The following DOCK8 variants were observed in gnomAD, a reference collection of about 807,000 sequenced individuals.
The protein encoded by DOCK8 is dedicator of cytokinesis 8, also known as dedicator of cytokinesis protein 8.
A neutral mutation model predicts 245.6 loss-of-function variants in DOCK8; 141 were observed. The observed-to-expected ratio is 0.57, with a 90% confidence interval of 0.50 to 0.66. The LOEUF is 0.66. DOCK8 is among the 30% of genes least tolerant of loss of function. DOCK8 has a pLI of 0.00. For missense variants in DOCK8, 2,965 were observed against 2,603.4 expected (o/e 1.14, Z -3.02); for synonymous variants, 1,168 against 970.2 (o/e 1.20, Z -3.79).
chr9:310,481 G>A (rs886894382), intron 5 of DOCK8, among the ~76,000 whole-genome samples: 4 of 151,982 alleles, frequency 2.6e-5, no homozygotes. Flanking sequence ...TTTTTGAGAC[G>A]GAGTCTCGCT....
intron 40 of DOCK8, among the ~76,000 whole-genome samples, chr9:440,490 T>C (rs991558457): frequency 5.3e-5 from 8 of 152,232 alleles, no homozygotes; most frequent in African/African-American, 1.9e-4. Flanking sequence ...ATTTTAATTA[T>C]TGTTTTAACT....
chr9:310,138 G>A (rs781485227), intron 5 of DOCK8, among the ~76,000 whole-genome samples: 27 of 152,030 alleles, frequency 1.8e-4, no homozygotes, highest in Middle Eastern at 3.4e-3. Context: ...GTGGTGGCGC[G>A]TGCCTGTAAT....
At chr9:366,579 A>C (rs1007839630) in intron 14 of DOCK8, 1 of 152,214 alleles carries the variant, frequency 6.6e-6, no homozygotes, top group Non-Finnish European at 1.5e-5. Context: ...GTGTCCCCAA[A>C]TAATTTCTCA....
chr9:244,897 C>A (rs1324252029), intron 1 of DOCK8, among the ~76,000 whole-genome samples: 1 of 152,182 alleles, frequency 6.6e-6, no homozygotes, highest in Non-Finnish European at 1.5e-5. Context: ...GCTGATGCCT[C>A]ACCAAATTCT....
rs1310831554 is a variant in DOCK8, at chr9:289,579, GAAGT to G, written c.404+3_404+6del. 4 of 1,609,802 alleles carry G rather than the reference GAAGT, an allele frequency of 2.5e-6. No individual in the cohort carries two copies. Among genetic ancestry groups the G allele is most frequent in the Non-Finnish European group, 3.4e-6 (4 of 1,178,118 alleles). ...TCCGTGAGTGGCTAATCGTGAACCG[GAAGT>G]AAGTTACTTTTTTTCCACTTTTTGT... On this transcript the variant is annotated splice_donor_variant and coding_sequence_variant, in exon 4 of 48. Coordinates refer to ENST00000432829, the MANE Select transcript of DOCK8 (RefSeq NM_203447.4). LOFTEE classifies it high-confidence loss of function.
rs114896314 is a variant in DOCK8 at position 217,808 on chromosome 9, G to A, written c.53+2779G>A. Among the ~76,000 whole-genome samples, 357 of 152,266 alleles carry A rather than the reference G, an allele frequency of 2.3e-3. 1 individual carries two copies. The highest frequency in any genetic ancestry group is 7.8e-3 in the African/African-American group (323 of 41,530). On this transcript the variant is annotated intron_variant, in intron 1 of 47. Coordinates refer to ENST00000432829, the MANE Select transcript of DOCK8 (RefSeq NM_203447.4). Reference sequence around the variant, plus strand: ...AACTCATGAAGTCTTGTACAGAAGAGGAAAAGGAATCTTGGAGATACAGCT... The same window carrying A: ...AACTCATGAAGTCTTGTACAGAAGAAGAAAAGGAATCTTGGAGATACAGCT...
chr9:256,641 G>T (rs1326492001), intron 1 of DOCK8, among the ~76,000 whole-genome samples: 1 of 152,016 alleles, frequency 6.6e-6, no homozygotes. Flanking sequence ...CCTCATTCTG[G>T]TCATCTCCTC....
At chr9:289,409 A>T in intron 3 of DOCK8, 101 bp from the exon 4 acceptor site, 1 of 917,264 alleles carries the variant, frequency 1.1e-6, no homozygotes, top group Non-Finnish European at 1.8e-6. Flanking sequence ...ATTCTCACTG[A>T]TAAGGATTTA....
In DOCK8 at chr9:304,703, A is replaced by G. The variant is rs768050862; in HGVS notation, c.527A>G (p.Gln176Arg). Residue 176 changes from glutamine (Q) to arginine (R), a missense_variant and splice_region_variant, in exon 5 of 48, where the codon CAG becomes CGG. Physicochemically the swap from Gln to Arg is conservative, Grantham distance 43. This residue lies in a region of DOCK8 where 2,825 missense variants were observed against 2,453.5 expected (regional missense o/e 1.15). Coordinates refer to ENST00000432829, the MANE Select transcript of DOCK8 (RefSeq NM_203447.4). ...ETLECSEPAAQAGPRHLNVLC... is the reference protein window; with the variant it reads ...ETLECSEPAARAGPRHLNVLC... ...TTGGAGTGCAGTGAACCCGCTGCTCAGGTATTTCCTGTCAACAAACATGGT... is the reference window on the plus strand; with the variant it reads ...TTGGAGTGCAGTGAACCCGCTGCTCGGGTATTTCCTGTCAACAAACATGGT... The G allele has an allele frequency of 1.2e-6, 2 of 1,614,158 alleles. No homozygotes were observed. Among genetic ancestry groups the G allele is most frequent in the South Asian group, 1.1e-5 (1 of 91,084 alleles).
chr9:427,188 A>T (rs2056534681), intron 34 of DOCK8, among the ~76,000 whole-genome samples: 1 of 152,234 alleles, frequency 6.6e-6, no homozygotes, highest in Admixed American at 6.5e-5. Flanking sequence ...TCTTTGACTT[A>T]GGGCTTACTT....
intron 30 of DOCK8, chr9:420,138 A>T (rs2056214248): frequency 1.9e-6 from 1 of 519,286 alleles, no homozygotes; most frequent in Admixed American, 3.1e-5. Context: ...AGACAGAGGT[A>T]CTCAGATACG....
At chr9:453,328 GACA>G (rs1396200824) in intron 46 of DOCK8, among the ~76,000 whole-genome samples, 5 of 152,134 alleles carry the variant, frequency 3.3e-5, no homozygotes, top group Non-Finnish European at 7.3e-5. Context: ...TCCTGTATTT[GACA>G]ACAATTCTGA....
chr9:392,132 C>A (rs1193133041), intron 24 of DOCK8, among the ~76,000 whole-genome samples: 3 of 147,204 alleles, frequency 2.0e-5, no homozygotes, highest in African/African-American at 7.5e-5. Context: ...GAGCAAAACT[C>A]CATCTAAAAA....
chr9:427,623 C>T (rs2056549478), intron 34 of DOCK8, among the ~76,000 whole-genome samples: 1 of 152,034 alleles, frequency 6.6e-6, no homozygotes, highest in Non-Finnish European at 1.5e-5. Flanking sequence ...TACATGTTTC[C>T]ATTGAGAAGT....
chr9:434,466 T>A (rs1372303869), intron 38 of DOCK8, among the ~76,000 whole-genome samples: 1 of 152,130 alleles, frequency 6.6e-6, no homozygotes, highest in Non-Finnish European at 1.5e-5. Flanking sequence ...TGTTTTATTT[T>A]GAGAGAAAGG....
Position 403,957 on chromosome 9 carries a change from T to C in DOCK8, c.3235-961T>C, listed in dbSNP as rs1564021624. On this transcript the variant is annotated intron_variant, in intron 26 of 47. Transcript: ENST00000432829. ...GTATATATATATGTGTATATATATA[T>C]ATGTATATATATATATATGTGTATA... Among the ~76,000 whole-genome samples, 51 of 91,282 alleles carry C rather than the reference T, an allele frequency of 5.6e-4. 3 individuals carry two copies. Among genetic ancestry groups the C allele is most frequent in the African/African-American group, 2.9e-3 (46 of 15,862 alleles). The allele number at this position is 91,282 out of a possible 152,430, so 59.9% of individuals were successfully genotyped here. A position where few individuals can be genotyped will look rare whatever the true frequency, so the allele number is the denominator to read the frequency against.
At chr9:279,943 A>G (rs560888526) in intron 2 of DOCK8, among the ~76,000 whole-genome samples, 2 of 152,282 alleles carry the variant, frequency 1.3e-5, no homozygotes, top group African/African-American at 2.4e-5. Context: ...TCACTATCCT[A>G]TTTGTGAAAT....
intron 42 of DOCK8, 26 bp from the exon 43 acceptor site, chr9:443,401 A>C: frequency 6.2e-7 from 1 of 1,603,972 alleles, no homozygotes; most frequent in East Asian, 2.2e-5. Context: ...AATAACCTTT[A>C]TAAACTGTTG....
At chr9:356,870 G>C (rs2052473421) in intron 14 of DOCK8, among the ~76,000 whole-genome samples, 2 of 152,032 alleles carry the variant, frequency 1.3e-5, no homozygotes, top group African/African-American at 4.8e-5. Flanking sequence ...GTTCAACAAA[G>C]TATGGTTTAG....
Sources: gnomAD v4.1 joint callset for allele counts (sites outside exome capture counted in the v4.1 genomes callset) on GRCh38, gnomAD v4.1.1 for gene constraint, gnomAD v4.1.1 regional missense constraint, MANE v1.5 for transcripts, NCBI Gene and HGNC (gene_info 2026-07-23, HGNC 2026-07-21) for gene names.